Variants in ODAD4 observed in about 807,000 individuals in gnomAD.
ODAD4 encodes the protein outer dynein arm docking complex subunit 4.
A neutral mutation model predicts 51.8 loss-of-function variants in ODAD4; 49 were observed. The ratio of observed to expected loss-of-function variants is 0.95; its 90% confidence interval spans 0.75 to 1.20. ODAD4 has a LOEUF of 1.20. Ranked by LOEUF, ODAD4 falls within the 50% of genes most tolerant of loss-of-function variation. The probability of loss-of-function intolerance (pLI) is 0.00; values close to 1 mark genes in which losing one functional copy is unlikely to be tolerated. For missense variants in ODAD4, 590 were observed against 586.5 expected (o/e 1.01, Z -0.06); for synonymous variants, 235 against 221.3 (o/e 1.06, Z -0.55).
At chr17:41,958,790 C>T (rs575063333) in intron 10 of ODAD4, among the ~76,000 whole-genome samples, 15 of 151,468 alleles carry the variant, frequency 9.9e-5, no homozygotes, top group African/African-American at 2.2e-4. Flanking sequence ...TTTGGGAGGC[C>T]GAGGCGGGTG....
chr17:41,960,126 G>T (rs145294700), intron 10 of ODAD4, among the ~76,000 whole-genome samples: 3 of 151,892 alleles, frequency 2.0e-5, no homozygotes, highest in Non-Finnish European at 4.4e-5. Flanking sequence ...TTGGCTCCAG[G>T]CTGCCAAGCT....
intron 10 of ODAD4, among the ~76,000 whole-genome samples, chr17:41,959,945 ATGT>A (rs2050782874): frequency 6.6e-6 from 1 of 152,322 alleles, no homozygotes; most frequent in South Asian, 2.1e-4. Flanking sequence ...CAGGCCTAGC[ATGT>A]TGTCGTCCTC....
intron 1 of ODAD4, among the ~76,000 whole-genome samples, chr17:41,932,743 T>TTC (rs2050367617): frequency 1.3e-5 from 2 of 150,516 alleles, no homozygotes; most frequent in African/African-American, 4.9e-5. Flanking sequence ...TTTTTTTTTT[T>TTC]TGTAGAGATA....
Position 41,938,597 on chromosome 17 carries a change from G to A in ODAD4, c.666G>A (p.Glu222=). ...KGTMKGGLTV[E]DLIMTGINYL... Reference sequence around the variant, plus strand: ...CCATGAAGGGCGGCCTGACTGTGGAGGACCTCATCATGACGGGCATCAACT... The same window carrying A: ...CCATGAAGGGCGGCCTGACTGTGGAAGACCTCATCATGACGGGCATCAACT... Residue 222 remains glutamate, a synonymous_variant, in exon 6 of 12, where the codon GAG becomes GAA. Transcript: ENST00000377540. 1 of 1,613,954 alleles carries A rather than the reference G, an allele frequency of 6.2e-7. No homozygotes were observed. The highest frequency in any genetic ancestry group is 1.1e-5 in the South Asian group (1 of 91,084).
chr17:41,945,354 A>AG (rs1303543865), intron 8 of ODAD4, 132 bp downstream of exon 8: 15 of 700,692 alleles, frequency 2.1e-5, no homozygotes, highest in Non-Finnish European at 3.3e-5. Flanking sequence ...AAAAAAAAAA[A>AG]AAAAAAAATT....
chr17:41,944,391 TACAC>T lies in ODAD4; in HGVS notation c.1059-694_1059-691del, dbSNP rs1158342629. The stretch of plus-strand genomic sequence containing the variant: ...AAAACAAACAAACCCCAAACACACA[TACAC>T]ACACACACACACACACACACACACA... On this transcript the variant is annotated intron_variant, in intron 7 of 11. Coordinates refer to ENST00000377540, the MANE Select transcript of ODAD4 (RefSeq NM_031421.5). Among the ~76,000 whole-genome samples the T allele has an allele frequency of 6.2e-4, 49 of 78,740 alleles. 2 individuals carry two copies. The Middle Eastern group carries it at 0.019, about 30-fold the overall frequency. The allele number at this position is 78,740 out of a possible 152,430, so 51.7% of individuals were successfully genotyped here. A position where few individuals can be genotyped will look rare whatever the true frequency, so the allele number is the denominator to read the frequency against.
chr17:41,957,699 C>A (rs1397911242), intron 10 of ODAD4, among the ~76,000 whole-genome samples: 2 of 152,220 alleles, frequency 1.3e-5, no homozygotes, highest in Non-Finnish European at 2.9e-5. Flanking sequence ...GCCTCTCCAG[C>A]TTCCTGCTGG....
rs782553947 is a variant in ODAD4 at position 41,965,067 on chromosome 17, G to A, written c.1603G>A (p.Val535Met). ...GAGAGTGAGAGATGAGCCCGAGAAG[G>A]TGGTGAAGCAGTGGGACCATAGTGA... ...MRRVRDEPEK[V>M]VKQWDHSEDE... The change falls in exon 12 of 12, where the codon GTG (valine) becomes ATG (methionine). Residue 535 changes from valine to methionine, a missense_variant. Val to Met is a conservative substitution (Grantham distance 21). Around this residue, in one of 3 missense-constraint regions of ODAD4, gnomAD observed 226 missense variants for 162.7 expected, o/e 1.39. Transcript: ENST00000377540. The A allele has an allele frequency of 8.0e-5, 61 of 759,446 alleles. No individual in the cohort carries two copies. The Admixed American group carries it at 1.1e-3, about 13-fold the overall frequency. The allele number at this position is 759,446 out of a possible 1,614,324, so 47.0% of individuals were successfully genotyped here. A position where few individuals can be genotyped will look rare whatever the true frequency, so the allele number is the denominator to read the frequency against.
At chr17:41,960,083 C>T (rs938247155) in intron 10 of ODAD4, among the ~76,000 whole-genome samples, 2 of 152,300 alleles carry the variant, frequency 1.3e-5, no homozygotes, top group Non-Finnish European at 1.5e-5. Flanking sequence ...ACAGCATGGC[C>T]GTTCAGTTCA....
At position 41,945,175 on chromosome 17, in the gene ODAD4, T is replaced by C; in HGVS notation, c.1098T>C (p.Ile366=). ...PDAKSRALDN[I]GRVFARVGKF... Reference sequence around the variant, plus strand: ...CAAAATCGAGAGCCCTTGACAACATTGGCAGAGTTTTTGCCAGAGTTGGGA... The same window carrying C: ...CAAAATCGAGAGCCCTTGACAACATCGGCAGAGTTTTTGCCAGAGTTGGGA... Residue 366 remains isoleucine, a synonymous_variant, in exon 8 of 12, where the codon ATT becomes ATC. Transcript: ENST00000377540. 1.2e-6 allele frequency: 2 copies of C among 1,613,440 alleles called. No homozygotes were observed. The highest frequency in any genetic ancestry group is 1.7e-6 in the Non-Finnish European group (2 of 1,179,742).
At chr17:41,944,444 A>ACCCCCC (rs10578034) in intron 7 of ODAD4, among the ~76,000 whole-genome samples, 13 of 19,550 alleles carry the variant, frequency 6.6e-4, no homozygotes, top group South Asian at 8.4e-3. Context: ...ACACACACAC[A>ACCCCCC]CCCCCCCGCA....
intron 1 of ODAD4, among the ~76,000 whole-genome samples, chr17:41,933,587 G>C (rs1213309996): frequency 6.6e-6 from 1 of 152,158 alleles, no homozygotes; most frequent in Non-Finnish European, 1.5e-5. Context: ...GGGAGGCGGA[G>C]GTTGCAGTGA....
intron 10 of ODAD4, among the ~76,000 whole-genome samples, chr17:41,961,009 T>A (rs1443643808): frequency 6.6e-6 from 1 of 152,148 alleles, no homozygotes; most frequent in East Asian, 1.9e-4. Flanking sequence ...TTCTGGGTCT[T>A]TTCAGTGCTG....
At chr17:41,931,883 C>T (rs1449118036) in intron 1 of ODAD4, among the ~76,000 whole-genome samples, 1 of 150,784 alleles carries the variant, frequency 6.6e-6, no homozygotes, top group Non-Finnish European at 1.5e-5. Context: ...TGCATCATCC[C>T]ACCCTAAGGG....
Position 41,955,461 on chromosome 17 carries a change from TC to T in ODAD4, c.1443+145del, listed in dbSNP as rs11285074. ...TATTTGTTTTGAGACAGAGTCTTGC[TC>T]TGTTGCCCAGGCTGGAGTGCAATGG... is the stretch of plus-strand genomic sequence containing the variant. On this transcript the variant is annotated intron_variant, in intron 10 of 11. Coordinates refer to ENST00000377540, the MANE Select transcript of ODAD4 (RefSeq NM_031421.5). The T allele has an allele frequency of 0.052, 30,940 of 591,500 alleles. 1,314 individuals carry two copies. The highest frequency in any genetic ancestry group is 0.16 in the African/African-American group (8,612 of 53,774). The allele number at this position is 591,500 out of a possible 1,614,324, so 36.6% of individuals were successfully genotyped here.
chr17:41,936,610 C>A, intron 4 of ODAD4, 76 bp downstream of exon 4: 2 of 1,516,980 alleles, frequency 1.3e-6, no homozygotes, highest in South Asian at 1.1e-5. Context: ...TCTTGGGAGT[C>A]TAGCTGCAAC....
Position 41,965,480 on chromosome 17 carries a change from A to T in ODAD4, c.2016A>T (p.Glu672Asp). 1.3e-6 allele frequency: 1 copy of T among 769,198 alleles called. No individual in the cohort carries two copies. Among genetic ancestry groups the T allele is most frequent in the Non-Finnish European group, 2.4e-6 (1 of 415,370 alleles). 47.6% of individuals were successfully genotyped at this position (769,198 alleles called of 1,614,324 possible). The change falls in exon 12 of 12, where the codon GAA becomes GAT. Residue 672 changes from glutamate to aspartate, a missense_variant. By Grantham distance (45) the Glu-to-Asp change is conservative. Coordinates refer to ENST00000377540, the MANE Select transcript of ODAD4 (RefSeq NM_031421.5). Reference sequence around the variant, plus strand: ...GAAATGAGATGGAAAAGGAATATGAATGAAGCCATCGGTAGAGATGAGGAT... The same window carrying T: ...GAAATGAGATGGAAAAGGAATATGATTGAAGCCATCGGTAGAGATGAGGAT... ...KTGNEMEKEY[E>D] is the part of the protein sequence containing the mutation.
intron 9 of ODAD4, among the ~76,000 whole-genome samples, chr17:41,950,385 CTT>C (rs1157988532): frequency 1.2e-4 from 17 of 138,366 alleles, no homozygotes; most frequent in East Asian, 2.1e-4. Context: ...ATGAGGGAAG[CTT>C]TTTTTTTTTT....
intron 8 of ODAD4, among the ~76,000 whole-genome samples, chr17:41,948,152 A>G (rs1039090244): frequency 2.0e-5 from 3 of 151,836 alleles, no homozygotes; most frequent in Admixed American, 2.0e-4. Flanking sequence ...AAAATAAAAA[A>G]TATTAATTTG....
Sources: gnomAD v4.1 joint callset for allele counts (sites outside exome capture counted in the v4.1 genomes callset) on GRCh38, gnomAD v4.1.1 for gene constraint, gnomAD v4.1.1 regional missense constraint, MANE v1.5 for transcripts, NCBI Gene and HGNC (gene_info 2026-07-23, HGNC 2026-07-21) for gene names.